Variants in MACROD2 observed in about 807,000 individuals in gnomAD.
The protein encoded by MACROD2 is ADP-ribose glycohydrolase MACROD2.
In MACROD2, 36 loss-of-function variants were observed where a neutral mutation model predicts 70.4. The ratio of observed to expected loss-of-function variants is 0.51; its 90% CI spans 0.39 to 0.68. The LOEUF (loss-of-function observed/expected upper bound fraction) is 0.68. MACROD2 is among the 30% of genes least tolerant of loss of function. The pLI is 0.00. For missense variants in MACROD2, 496 were observed against 538.4 expected (o/e 0.92, Z 0.78); for synonymous variants, 172 against 178.8 (o/e 0.96, Z 0.30).
chr20:15,340,809 C>T (rs1258666751), intron 6 of MACROD2, among the ~76,000 whole-genome samples: 1 of 151,880 alleles, frequency 6.6e-6, no homozygotes, highest in South Asian at 2.1e-4. Context: ...TACTATTCTC[C>T]TTCTGTTCAC....
intron 4 of MACROD2, among the ~76,000 whole-genome samples, chr20:14,674,886 T>C (rs1173025148): frequency 6.6e-6 from 1 of 152,210 alleles, no homozygotes. Flanking sequence ...GCTAATATGA[T>C]TTATGCAGCT....
intron 8 of MACROD2, among the ~76,000 whole-genome samples, chr20:15,813,711 C>G (rs912872187): frequency 1.3e-5 from 2 of 152,114 alleles, no homozygotes; most frequent in African/African-American, 4.8e-5. Context: ...CCCAGGAGTT[C>G]AAGGCTTCAG....
At chr20:15,605,217 A>G (rs2048876086) in intron 8 of MACROD2, among the ~76,000 whole-genome samples, 1 of 151,932 alleles carries the variant, frequency 6.6e-6, no homozygotes, top group African/African-American at 2.4e-5. Context: ...GATCTCTTTT[A>G]TTTCCTTTGT....
chr20:14,710,565 A>G (rs868687079), intron 5 of MACROD2, among the ~76,000 whole-genome samples: 6 of 152,206 alleles, frequency 3.9e-5, no homozygotes, highest in African/African-American at 1.4e-4. Flanking sequence ...CTCAGGTTTC[A>G]GATTTTTACA....
intron 4 of MACROD2, chr20:14,626,945 G>A (rs1266042762): frequency 6.6e-6 from 1 of 152,246 alleles, no homozygotes; most frequent in Non-Finnish European, 1.5e-5. Context: ...CCAAAGATAA[G>A]AAGAATTGGC....
intron 6 of MACROD2, among the ~76,000 whole-genome samples, chr20:15,415,424 G>A (rs552100491): frequency 2.6e-5 from 4 of 152,300 alleles, no homozygotes; most frequent in South Asian, 2.1e-4. Flanking sequence ...CATGTTGAAG[G>A]ATGTGTCCCA....
intron 3 of MACROD2, among the ~76,000 whole-genome samples, chr20:14,444,382 A>T (rs2084160313): frequency 6.6e-6 from 1 of 152,016 alleles, no homozygotes; most frequent in South Asian, 2.1e-4. Context: ...CTTGAAACAT[A>T]TCCTTCACTT....
intron 5 of MACROD2, among the ~76,000 whole-genome samples, chr20:15,122,243 C>T (rs950119484): frequency 1.3e-5 from 2 of 152,142 alleles, no homozygotes; most frequent in African/African-American, 4.8e-5. Flanking sequence ...ACATTAGGCT[C>T]TGTAATACCA....
chr20:15,101,220 G>C (rs1364454672), intron 5 of MACROD2, among the ~76,000 whole-genome samples: 1 of 151,924 alleles, frequency 6.6e-6, no homozygotes, highest in East Asian at 1.9e-4. Flanking sequence ...AATTTTTTGT[G>C]CTCTATTTTT....
At chr20:14,187,565 A>G (rs1034604596) in intron 3 of MACROD2, among the ~76,000 whole-genome samples, 9 of 152,328 alleles carry the variant, frequency 5.9e-5, no homozygotes, top group South Asian at 4.1e-4. Context: ...AACAAAGGAC[A>G]TATAACTGGT....
chr20:14,041,597 A>C (rs956587274), intron 2 of MACROD2, among the ~76,000 whole-genome samples: 1 of 152,210 alleles, frequency 6.6e-6, no homozygotes, highest in African/African-American at 2.4e-5. Flanking sequence ...GCTTTCTAGA[A>C]AGATGTAAGG....
At chr20:15,055,980 T>G (rs1019342399) in intron 5 of MACROD2, among the ~76,000 whole-genome samples, 2 of 151,884 alleles carry the variant, frequency 1.3e-5, no homozygotes, top group Admixed American at 6.6e-5. Flanking sequence ...AGAGACAAGG[T>G]TTCACCATGT....
intron 6 of MACROD2, among the ~76,000 whole-genome samples, chr20:15,374,565 A>G (rs986601522): frequency 6.6e-6 from 1 of 152,084 alleles, no homozygotes; most frequent in Admixed American, 6.6e-5. Context: ...CCCTGAGTCT[A>G]TGTATTTTTT....
intron 4 of MACROD2, among the ~76,000 whole-genome samples, chr20:14,640,416 T>G (rs1045700610): frequency 2.0e-5 from 3 of 152,208 alleles, no homozygotes; most frequent in African/African-American, 7.2e-5. Context: ...AGGATATTTT[T>G]TTTTCTAAGT....
chr20:15,346,081 G>A (rs535705010), intron 6 of MACROD2, among the ~76,000 whole-genome samples: 7 of 149,908 alleles, frequency 4.7e-5, no homozygotes, highest in Non-Finnish European at 1.0e-4. Flanking sequence ...ATAATCAGAG[G>A]TCACGAGGCC....
At chr20:14,056,457 C>G (rs2053631959) in intron 2 of MACROD2, among the ~76,000 whole-genome samples, 1 of 151,270 alleles carries the variant, frequency 6.6e-6, no homozygotes, top group African/African-American at 2.4e-5. Context: ...TTCCATTTTT[C>G]TTTTTGTGCA....
rs73897238 is a variant in MACROD2 at position 14,992,436 on chromosome 20, T to C, written c.419-237504T>C. On this transcript the variant is annotated intron_variant, in intron 5 of 17. Transcript: ENST00000684519. ...ACACAAAAACTCAGTTGCTTTGATG[T>C]ATTTGTTTTTGCATATGGTTCAAAT... is the stretch of plus-strand genomic sequence containing the variant. Among the ~76,000 whole-genome samples, 1,321 of 152,308 alleles carry C rather than the reference T, an allele frequency of 8.7e-3. 24 individuals are homozygous for C. The highest frequency in any genetic ancestry group is 0.051 in the Middle Eastern group (15 of 294).
At chr20:14,991,008 T>G (rs2074898860) in intron 5 of MACROD2, among the ~76,000 whole-genome samples, 1 of 152,210 alleles carries the variant, frequency 6.6e-6, no homozygotes. Context: ...TCTGTGAGAC[T>G]GTCTCTTTTT....
intron 2 of MACROD2, among the ~76,000 whole-genome samples, chr20:14,074,940 T>G (rs140343969): frequency 6.6e-6 from 1 of 152,208 alleles, no homozygotes; most frequent in Admixed American, 6.5e-5. Flanking sequence ...TGAATCATCC[T>G]TTTTCAGTGT....
Sources: allele counts gnomAD v4.1 joint callset (sites outside exome capture counted in the v4.1 genomes callset), GRCh38; gene constraint gnomAD v4.1.1; transcripts MANE v1.5; gene names NCBI Gene and HGNC (gene_info 2026-07-23, HGNC 2026-07-21).